The following JARID2 variants were observed in gnomAD, a reference collection of about 807,000 sequenced individuals.
JARID2 encodes jumonji and AT-rich interaction domain containing 2.
JARID2 carries 21 observed loss-of-function variants against 125.6 expected under a neutral mutation model. That is an observed-to-expected ratio of 0.17 (90% CI 0.12 to 0.24). JARID2 has a LOEUF of 0.24. Ranked by LOEUF, JARID2 falls within the 10% of genes least tolerant of loss-of-function variation. The probability of loss-of-function intolerance (pLI) is 1.00; values close to 1 mark genes in which losing one functional copy is unlikely to be tolerated. For missense variants in JARID2, 1,303 were observed against 1,639.6 expected, an observed-to-expected ratio of 0.79 and a Z score of 3.55; for synonymous variants, 736 against 661.6, an observed-to-expected ratio of 1.11 and a Z score of -1.73.
intron 1 of JARID2, among the ~76,000 whole-genome samples, chr6:15,294,523 A>G (rs1319957027): frequency 6.6e-6 from 1 of 152,236 alleles, no homozygotes; most frequent in Non-Finnish European, 1.5e-5. Flanking sequence ...GTAACAGGTC[A>G]CAAGGTTAGA....
chr6:15,254,773 C>G (rs1759592293), intron 1 of JARID2, among the ~76,000 whole-genome samples: 1 of 152,124 alleles, frequency 6.6e-6, no homozygotes, highest in Non-Finnish European at 1.5e-5. Flanking sequence ...GGCGCGGTGG[C>G]TCATGCCCGT....
chr6:15,440,720 C>T (rs1767408789), intron 3 of JARID2, among the ~76,000 whole-genome samples: 1 of 152,166 alleles, frequency 6.6e-6, no homozygotes. Flanking sequence ...TCTGTAATAG[C>T]TCCGGTTTTT....
intron 3 of JARID2, among the ~76,000 whole-genome samples, chr6:15,420,362 C>T (rs1766429093): frequency 6.6e-6 from 1 of 150,398 alleles, no homozygotes; most frequent in African/African-American, 2.5e-5. Context: ...AAGATCACAC[C>T]ACTGCACTAC....
intron 1 of JARID2, among the ~76,000 whole-genome samples, chr6:15,334,200 A>G (rs879757600): frequency 6.6e-6 from 1 of 152,198 alleles, no homozygotes; most frequent in Non-Finnish European, 1.5e-5. Context: ...CTTAATTACA[A>G]TAAATCATAC....
chr6:15,283,549 A>C lies in JARID2; in HGVS notation c.45+36965A>C, dbSNP rs183915412. Among the ~76,000 whole-genome samples the C allele has an allele frequency of 1.2e-3, 179 of 149,532 alleles. 1 individual carries two copies. The highest frequency in any genetic ancestry group is 3.4e-3 in the South Asian group (16 of 4,686). On this transcript the variant is annotated intron_variant, in intron 1 of 17. Coordinates refer to ENST00000341776, the MANE Select transcript of JARID2 (RefSeq NM_004973.4). ...ATTAGAGACGGGATTTCACCGTGTT[A>C]GCCAGGACGGTCTCGATCTGCCGAC...
chr6:15,326,307 G>T (rs937674378), intron 1 of JARID2, among the ~76,000 whole-genome samples: 4 of 152,128 alleles, frequency 2.6e-5, no homozygotes, highest in Non-Finnish European at 4.4e-5. Flanking sequence ...CTGGGCTTAT[G>T]CAATACTCTC....
Position 15,521,848 on chromosome 6 carries a change from T to C in JARID2, c.*1597T>C, listed in dbSNP as rs540605382. On this transcript the variant is annotated 3_prime_UTR_variant, in exon 18 of 18. Coordinates refer to ENST00000341776, the MANE Select transcript of JARID2 (RefSeq NM_004973.4). ...GTTTCTATGGCCTTGCTGTGTACTT[T>C]CCCTCTTTTTGACAGTAAACTTCTG... The C allele has an allele frequency of 6.6e-6, 1 of 152,352 alleles. No homozygotes were observed. Among genetic ancestry groups the C allele is most frequent in the African/African-American group, 2.4e-5 (1 of 41,572 alleles). 9.4% of individuals were successfully genotyped at this position (152,352 alleles called of 1,614,324 possible). A position where few individuals can be genotyped will look rare whatever the true frequency, so the allele number is the denominator to read the frequency against.
At chr6:15,344,104 A>ATTTTTT (rs58867061) in intron 1 of JARID2, among the ~76,000 whole-genome samples, 1 of 89,166 alleles carries the variant, frequency 1.1e-5, no homozygotes, top group Non-Finnish European at 2.1e-5. Flanking sequence ...GTATGTAGTG[A>ATTTTTT]TTTTTTTTTT....
At chr6:15,441,701 A>C (rs768648092) in intron 3 of JARID2, among the ~76,000 whole-genome samples, 3 of 151,416 alleles carry the variant, frequency 2.0e-5, no homozygotes, top group Admixed American at 6.6e-5. Flanking sequence ...CTACCGCACA[A>C]CTCCATCTGG....
intron 1 of JARID2, among the ~76,000 whole-genome samples, chr6:15,269,342 A>T (rs918674361): frequency 2.6e-5 from 4 of 152,068 alleles, no homozygotes; most frequent in Non-Finnish European, 5.9e-5. Context: ...TAATCTTTCA[A>T]TAGTATTTGA....
At chr6:15,473,019 A>G (rs1175003120) in intron 5 of JARID2, among the ~76,000 whole-genome samples, 1 of 148,606 alleles carries the variant, frequency 6.7e-6, no homozygotes, top group African/African-American at 2.5e-5. Flanking sequence ...TTCCTACAGA[A>G]TTTGTGAGTT....
chr6:15,264,630 TGTGTGTGTGTGA>T (rs886245405), intron 1 of JARID2, among the ~76,000 whole-genome samples: 7 of 151,292 alleles, frequency 4.6e-5, no homozygotes, highest in African/African-American at 1.7e-4. Context: ...TGTGTGTGTG[TGTGTGTGTGTGA>T]GAGAGAGAGA....
intron 4 of JARID2, among the ~76,000 whole-genome samples, chr6:15,463,221 C>A (rs1768537222): frequency 6.6e-6 from 1 of 152,148 alleles, no homozygotes; most frequent in South Asian, 2.1e-4. Flanking sequence ...AAAAATCCCA[C>A]ACAATTCCCA....
At chr6:15,357,206 T>C (rs1421867616) in intron 1 of JARID2, among the ~76,000 whole-genome samples, 1 of 152,224 alleles carries the variant, frequency 6.6e-6, no homozygotes, top group Non-Finnish European at 1.5e-5. Context: ...TCATTGAGTA[T>C]GTAAAGTCTT....
intron 4 of JARID2, among the ~76,000 whole-genome samples, chr6:15,467,924 CG>C (rs1320814869): frequency 6.6e-6 from 1 of 152,150 alleles, no homozygotes; most frequent in African/African-American, 2.4e-5. Flanking sequence ...TCGGTTCCCC[CG>C]TTGGGAGGTT....
intron 2 of JARID2, among the ~76,000 whole-genome samples, chr6:15,381,259 G>T (rs942228642): frequency 6.7e-6 from 1 of 149,186 alleles, no homozygotes; most frequent in Non-Finnish European, 1.5e-5. Context: ...GGAGAATGGC[G>T]TGAACCTGGG....
intron 1 of JARID2, among the ~76,000 whole-genome samples, chr6:15,326,265 G>A (rs1303814318): frequency 1.3e-5 from 2 of 152,114 alleles, no homozygotes; most frequent in African/African-American, 4.8e-5. Context: ...TTCAGTGGTG[G>A]TGCCATCATA....
At chr6:15,479,346 C>A (rs759271887) in intron 5 of JARID2, among the ~76,000 whole-genome samples, 1 of 152,146 alleles carries the variant, frequency 6.6e-6, no homozygotes, top group Non-Finnish European at 1.5e-5. Context: ...TTTATATTCT[C>A]ATAAAAGTCT....
intron 1 of JARID2, among the ~76,000 whole-genome samples, chr6:15,308,489 C>G (rs1247446380): frequency 1.3e-5 from 2 of 152,176 alleles, no homozygotes; most frequent in Admixed American, 1.3e-4. Flanking sequence ...CCTTACTTCC[C>G]TTTAAAATCT....
Sources: gnomAD v4.1 joint callset for allele counts (sites outside exome capture counted in the v4.1 genomes callset) on GRCh38, gnomAD v4.1.1 for gene constraint, MANE v1.5 for transcripts, NCBI Gene and HGNC (gene_info 2026-07-23, HGNC 2026-07-21) for gene names.